Variants in LRBA observed in about 807,000 individuals in gnomAD.
LRBA encodes the protein LPS responsive beige-like anchor protein, also known as lipopolysaccharide-responsive and beige-like anchor protein.
A neutral mutation model predicts 330.0 loss-of-function variants in LRBA; 176 were observed. The observed-to-expected ratio is 0.53, with a 90% CI of 0.47 to 0.60. The LOEUF (loss-of-function observed/expected upper bound fraction) is 0.60. Ranked by LOEUF, LRBA falls within the 20% of genes least tolerant of loss-of-function variation. The probability of loss-of-function intolerance (pLI) is 0.00; values close to 1 mark genes in which losing one functional copy is unlikely to be tolerated. For synonymous variants in LRBA, 1,230 were observed against 1,193.0 expected (o/e 1.03, Z -0.64); for missense variants, 3,259 against 3,444.8 (o/e 0.95, Z 1.35).
At position 150,832,129 on chromosome 4, in the gene LRBA, C is replaced by T. The variant is rs74415006; in HGVS notation, c.4570-153G>A. ...CGTAAATAATAAATTTATTAATAAACTTACTTGAGCAAACATTAGGCAAAG... is the reference window on the plus strand; with the variant it reads ...CGTAAATAATAAATTTATTAATAAATTTACTTGAGCAAACATTAGGCAAAG... On this transcript the variant is annotated intron_variant, in intron 28 of 56. Coordinates refer to ENST00000651943, the MANE Select transcript of LRBA (RefSeq NM_001364905.1). 3.4e-3 allele frequency among the ~76,000 whole-genome samples: 522 copies of T among 152,122 alleles called. 2 individuals carry two copies. The highest frequency in any genetic ancestry group is 0.012 in the African/African-American group (497 of 41,498).
At chr4:150,830,825 G>A (rs1049965890) in intron 29 of LRBA, among the ~76,000 whole-genome samples, 1 of 148,600 alleles carries the variant, frequency 6.7e-6, no homozygotes, top group African/African-American at 2.5e-5. Context: ...TTGTTGTGGT[G>A]GGATCTCTGC....
At chr4:150,814,383 AGTAAG>A (rs1399795227) in intron 31 of LRBA, among the ~76,000 whole-genome samples, 14 of 152,084 alleles carry the variant, frequency 9.2e-5, no homozygotes, top group African/African-American at 3.4e-4. Context: ...GCGGCAGAAG[AGTAAG>A]AAGCAGGACA....
chr4:150,585,977 T>A (rs892986729), intron 40 of LRBA, among the ~76,000 whole-genome samples: 1 of 152,170 alleles, frequency 6.6e-6, no homozygotes, highest in Non-Finnish European at 1.5e-5. Context: ...AATATAAACT[T>A]TGATCCTATC....
In LRBA at chr4:150,708,072, A is replaced by T. The variant is rs149167989; in HGVS notation, c.5755-24355T>A. Among the ~76,000 whole-genome samples, 644 of 151,944 alleles carry T rather than the reference A, an allele frequency of 4.2e-3. 4 individuals carry two copies. The highest frequency in any genetic ancestry group is 0.015 in the African/African-American group (623 of 41,568). On this transcript the variant is annotated intron_variant, in intron 36 of 56. Transcript: ENST00000651943. ...AATGAGGGCCTGCAACTGATAGTTC[A>T]TAATATTCTGGAAACAGGTATCAAG...
At chr4:150,781,201 C>A (rs1336317543) in intron 34 of LRBA, among the ~76,000 whole-genome samples, 1 of 152,156 alleles carries the variant, frequency 6.6e-6, no homozygotes, top group Non-Finnish European at 1.5e-5. Context: ...TTTATTACTA[C>A]ATTGTACTAT....
At chr4:150,782,942 C>G (rs1378695679) in intron 34 of LRBA, among the ~76,000 whole-genome samples, 3 of 151,962 alleles carry the variant, frequency 2.0e-5, no homozygotes, top group African/African-American at 4.8e-5. Flanking sequence ...TTAAACAAAT[C>G]AAGTCACCTT....
intron 36 of LRBA, among the ~76,000 whole-genome samples, chr4:150,694,100 ACCTCCT>A (rs1391491274): frequency 6.6e-6 from 1 of 152,050 alleles, no homozygotes; most frequent in Non-Finnish European, 1.5e-5. Context: ...TCTCTCTTCT[ACCTCCT>A]CCCTGTTTGG....
At chr4:150,796,195 T>A (rs1740761994) in intron 34 of LRBA, among the ~76,000 whole-genome samples, 1 of 151,948 alleles carries the variant, frequency 6.6e-6, no homozygotes, top group African/African-American at 2.4e-5. Context: ...CTGTAAAATG[T>A]CGACTTGAAA....
intron 40 of LRBA, among the ~76,000 whole-genome samples, chr4:150,497,439 G>C (rs1042195599): frequency 2.6e-5 from 4 of 152,060 alleles, no homozygotes; most frequent in Middle Eastern, 3.2e-3. Context: ...TGAACACTTA[G>C]AATGTCCCCA....
At chr4:150,593,446 GTTTGACAA>G (rs1407658955) in intron 38 of LRBA, among the ~76,000 whole-genome samples, 1 of 152,084 alleles carries the variant, frequency 6.6e-6, no homozygotes, top group Non-Finnish European at 1.5e-5. Context: ...GTTAACATGC[GTTTGACAA>G]TTAGAGTCAG....
intron 50 of LRBA, among the ~76,000 whole-genome samples, chr4:150,319,898 C>T (rs1375082359): frequency 6.6e-6 from 1 of 152,126 alleles, no homozygotes; most frequent in Non-Finnish European, 1.5e-5. Context: ...TGTATTTTTG[C>T]AACCATTTCA....
intron 47 of LRBA, among the ~76,000 whole-genome samples, chr4:150,368,792 T>G (rs773572842): frequency 1.3e-5 from 2 of 152,212 alleles, no homozygotes; most frequent in African/African-American, 4.8e-5. Context: ...AAAAAGAGCT[T>G]CTTCTGTACA....
rs1771090327 is a variant in LRBA at position 150,580,084 on chromosome 4, G to A, written c.6330+7964C>T. ...CCGGGCTCCCACAGGCGCGAACTCC[G>A]AGGGCGCGAGGTCCCCTAGATCCTT... is the stretch of plus-strand genomic sequence containing the variant. On this transcript the variant is annotated intron_variant, in intron 40 of 56. Coordinates refer to ENST00000651943, the MANE Select transcript of LRBA (RefSeq NM_001364905.1). 5 of 229,332 alleles carry A rather than the reference G, an allele frequency of 2.2e-5. No homozygotes were observed. The South Asian group carries it at 2.6e-4, about 12-fold the overall frequency. 14.2% of individuals were successfully genotyped at this position (229,332 alleles called of 1,614,324 possible).
chr4:150,695,128 C>T (rs1784514729), intron 36 of LRBA, among the ~76,000 whole-genome samples: 1 of 152,142 alleles, frequency 6.6e-6, no homozygotes, highest in Non-Finnish European at 1.5e-5. Context: ...TGCAAACACA[C>T]ATCATACATC....
chr4:150,700,586 A>C (rs1044033291), intron 36 of LRBA, among the ~76,000 whole-genome samples: 16 of 152,234 alleles, frequency 1.1e-4, no homozygotes, highest in African/African-American at 3.6e-4. Flanking sequence ...TAAGTTAATT[A>C]GAAATTATTT....
In LRBA at chr4:150,932,948, A is replaced by G. The variant is rs558504069; in HGVS notation, c.217-3883T>C. Among the ~76,000 whole-genome samples the G allele has an allele frequency of 3.3e-5, 5 of 152,208 alleles. No individual in the cohort carries two copies. In the East Asian group the frequency reaches 9.7e-4, roughly 29 times the overall value. The stretch of plus-strand genomic sequence containing the variant: ...AAAAAAGAAAAACAAAAAAATAGCA[A>G]TTTGGTAATATCTATCAAAATTTTT... On this transcript the variant is annotated intron_variant, in intron 2 of 56. Coordinates refer to ENST00000651943, the MANE Select transcript of LRBA (RefSeq NM_001364905.1).
At chr4:150,324,949 G>A (rs535681054) in intron 49 of LRBA, among the ~76,000 whole-genome samples, 115 of 152,118 alleles carry the variant, frequency 7.6e-4, no homozygotes, top group African/African-American at 2.6e-3. Flanking sequence ...TGAAATTTCA[G>A]GAACTATAAA....
intron 2 of LRBA, among the ~76,000 whole-genome samples, chr4:150,932,461 T>C (rs928934763): frequency 1.1e-4 from 16 of 151,836 alleles, no homozygotes; most frequent in African/African-American, 3.6e-4. Flanking sequence ...ACAAAATGAA[T>C]ATTAAAAATA....
chr4:150,667,112 C>T (rs1478013300), intron 37 of LRBA, among the ~76,000 whole-genome samples: 1 of 152,124 alleles, frequency 6.6e-6, no homozygotes, highest in Non-Finnish European at 1.5e-5. Context: ...CTATACCATA[C>T]AATATTAATA....
Sources: gnomAD v4.1 joint callset for allele counts (sites outside exome capture counted in the v4.1 genomes callset) on GRCh38, gnomAD v4.1.1 for gene constraint, MANE v1.5 for transcripts, NCBI Gene and HGNC (gene_info 2026-07-23, HGNC 2026-07-21) for gene names.